Variants in RAB28 observed in about 807,000 individuals in gnomAD.
The protein encoded by RAB28 is ras-related protein Rab-28.
In RAB28, 24 loss-of-function variants were observed where a neutral mutation model predicts 31.7. The observed-to-expected ratio is 0.76, with a 90% CI of 0.55 to 1.06. RAB28 has a LOEUF of 1.06. Ranked by LOEUF, RAB28 falls within the 50% of genes least tolerant of loss-of-function variation. RAB28 has a pLI of 0.00. For synonymous variants in RAB28, 100 were observed against 90.4 expected, an observed-to-expected ratio of 1.11 and a Z score of -0.60; for missense variants, 254 against 258.5, an observed-to-expected ratio of 0.98 and a Z score of 0.12.
At chr4:13,479,580 A>G in intron 1 of RAB28, 54 bp from the exon 2 acceptor site, 1 of 1,144,294 alleles carries the variant, frequency 8.7e-7, no homozygotes, top group South Asian at 1.3e-5. Flanking sequence ...AAATGTAATC[A>G]TAAGACCACT....
At chr4:13,395,515 T>C (rs1577170687) in intron 4 of RAB28, among the ~76,000 whole-genome samples, 1 of 152,194 alleles carries the variant, frequency 6.6e-6, no homozygotes, top group African/African-American at 2.4e-5. Flanking sequence ...CACACACTAA[T>C]ACAAACAGCC....
chr4:13,382,425 G>C (rs1350063841), intron 4 of RAB28, among the ~76,000 whole-genome samples: 1 of 150,344 alleles, frequency 6.7e-6, no homozygotes. Context: ...AGTCAATATA[G>C]GAAAAAAAAA....
intron 4 of RAB28, among the ~76,000 whole-genome samples, chr4:13,448,822 T>C (rs1366680569): frequency 1.3e-5 from 2 of 151,988 alleles, no homozygotes; most frequent in African/African-American, 4.8e-5. Context: ...TCTCTTTCAA[T>C]ATATAGAATG....
chr4:13,482,792 T>A (rs549053186), intron 1 of RAB28, among the ~76,000 whole-genome samples: 2 of 152,246 alleles, frequency 1.3e-5, no homozygotes, highest in East Asian at 3.9e-4. Context: ...AACAAAAAAA[T>A]ACTTCAAATT....
chr4:13,438,315 G>A (rs1251985474), intron 4 of RAB28, among the ~76,000 whole-genome samples: 1 of 152,040 alleles, frequency 6.6e-6, no homozygotes, highest in Non-Finnish European at 1.5e-5. Flanking sequence ...ACATTTTAAA[G>A]CGTACAGTTT....
intron 6 of RAB28, chr4:13,370,896 C>G: frequency 1.0e-6 from 1 of 959,746 alleles, no homozygotes; most frequent in South Asian, 4.8e-5. Context: ...TTGCTGCTAC[C>G]CTTAGGATAA....
chr4:13,404,967 AT>A (rs1371078866), intron 4 of RAB28, among the ~76,000 whole-genome samples: 2 of 151,662 alleles, frequency 1.3e-5, no homozygotes, highest in African/African-American at 2.4e-5. Flanking sequence ...ATTACAGAAA[AT>A]TCTAAAACAG....
At chr4:13,482,278 T>C (rs1403265657) in intron 1 of RAB28, among the ~76,000 whole-genome samples, 2 of 152,270 alleles carry the variant, frequency 1.3e-5, no homozygotes, top group Non-Finnish European at 1.5e-5. Context: ...ACATGTATGA[T>C]AGGCTAAATA....
At chr4:13,399,899 T>C (rs1404379843) in intron 4 of RAB28, among the ~76,000 whole-genome samples, 1 of 152,214 alleles carries the variant, frequency 6.6e-6, no homozygotes, top group Non-Finnish European at 1.5e-5. Context: ...CTGTAGTTAA[T>C]ATATCCCATA....
At chr4:13,455,182 G>C (rs1406881273) in intron 4 of RAB28, among the ~76,000 whole-genome samples, 1 of 152,178 alleles carries the variant, frequency 6.6e-6, no homozygotes, top group Admixed American at 6.5e-5. Context: ...GCCTGGGGCT[G>C]TGTCTGCCAG....
At chr4:13,467,450 GTAA>G (rs376017955) in intron 3 of RAB28, among the ~76,000 whole-genome samples, 60 of 151,926 alleles carry the variant, frequency 3.9e-4, no homozygotes, top group African/African-American at 1.4e-3. Flanking sequence ...ACTGTTTAAA[GTAA>G]TAATAATGCA....
intron 4 of RAB28, among the ~76,000 whole-genome samples, chr4:13,442,521 G>A (rs1714476046): frequency 6.6e-6 from 1 of 151,132 alleles, no homozygotes; most frequent in Non-Finnish European, 1.5e-5. Context: ...TTAAATGAAG[G>A]CTTGGCTTCT....
intron 5 of RAB28, among the ~76,000 whole-genome samples, chr4:13,381,035 T>C (rs1729107094): frequency 1.3e-5 from 2 of 152,046 alleles, no homozygotes; most frequent in South Asian, 4.1e-4. Flanking sequence ...TCACAAATCC[T>C]CTCTCCTCCA....
chr4:13,478,927 C>A (rs1334421202), intron 2 of RAB28, among the ~76,000 whole-genome samples: 1 of 151,564 alleles, frequency 6.6e-6, no homozygotes, highest in Non-Finnish European at 1.5e-5. Flanking sequence ...TTTTAGTGGT[C>A]TATTAAATGC....
chr4:13,465,339 C>A, intron 3 of RAB28, among the ~76,000 whole-genome samples: 1 of 150,072 alleles, frequency 6.7e-6, no homozygotes, highest in African/African-American at 2.5e-5. Context: ...TATACCTAGG[C>A]ATATATTCAA....
intron 6 of RAB28, chr4:13,370,644 A>G: frequency 4.1e-6 from 4 of 984,686 alleles, no homozygotes; most frequent in Non-Finnish European, 4.8e-6. Flanking sequence ...CAATTTTTAT[A>G]TTTAATACTA....
intron 5 of RAB28, among the ~76,000 whole-genome samples, chr4:13,379,839 G>A (rs1381546857): frequency 1.3e-5 from 2 of 152,074 alleles, no homozygotes; most frequent in Non-Finnish European, 2.9e-5. Flanking sequence ...ATCTCCTCAA[G>A]CAATGAGAAA....
chr4:13,398,248 A>T (rs1244353947), intron 4 of RAB28, among the ~76,000 whole-genome samples: 1 of 152,162 alleles, frequency 6.6e-6, no homozygotes, highest in African/African-American at 2.4e-5. Flanking sequence ...GAAAATTAAT[A>T]AACTGTCTTT....
At chr4:13,426,348 C>T (rs974386109) in intron 4 of RAB28, among the ~76,000 whole-genome samples, 1 of 151,572 alleles carries the variant, frequency 6.6e-6, no homozygotes, top group Admixed American at 6.6e-5. Flanking sequence ...ACATCAGAAA[C>T]GAATCTCTGA....
Sources: allele counts gnomAD v4.1 joint callset (sites outside exome capture counted in the v4.1 genomes callset), GRCh38; gene constraint gnomAD v4.1.1; transcripts MANE v1.5; gene names NCBI Gene and HGNC (gene_info 2026-07-23, HGNC 2026-07-21).